The following CPNE4 variants were observed in gnomAD, a reference collection of about 807,000 sequenced individuals.
CPNE4 encodes copine 4, also known as copine-4.
CPNE4 carries 25 observed loss-of-function variants against 67.9 expected under a neutral mutation model. The ratio of observed to expected loss-of-function variants is 0.37; its 90% confidence interval spans 0.27 to 0.51. The LOEUF is 0.51. CPNE4 is among the 20% of genes least tolerant of loss of function. The pLI, the probability that CPNE4 is intolerant of heterozygous loss-of-function variation, is 0.93. For synonymous variants in CPNE4, 242 were observed against 244.9 expected (o/e 0.99, Z 0.11); for missense variants, 464 against 690.8 (o/e 0.67, Z 3.68).
intron 9 of CPNE4, 124 bp from the exon 10 acceptor site, chr3:131,575,254 T>A: frequency 2.7e-6 from 2 of 740,130 alleles, no homozygotes; most frequent in South Asian, 3.4e-5. Context: ...CAGACATCAT[T>A]GAAAAAAGAT....
chr3:131,917,611 G>A (rs1443638530), intron 1 of CPNE4, among the ~76,000 whole-genome samples: 1 of 152,022 alleles, frequency 6.6e-6, no homozygotes, highest in African/African-American at 2.4e-5. Context: ...TCTTCAGTCT[G>A]AATACCAGGT....
chr3:131,983,100 TA>T (rs1338513843), intron 1 of CPNE4, among the ~76,000 whole-genome samples: 2 of 152,168 alleles, frequency 1.3e-5, no homozygotes, highest in African/African-American at 4.8e-5. Flanking sequence ...TACTGAATGA[TA>T]TTTTTATAAG....
intron 2 of CPNE4, among the ~76,000 whole-genome samples, chr3:131,863,557 T>C (rs1366118594): frequency 6.6e-6 from 1 of 152,180 alleles, no homozygotes; most frequent in Non-Finnish European, 1.5e-5. Context: ...GATGGGATTG[T>C]TTTTTTCTTG....
At chr3:131,959,501 G>A (rs907274850) in intron 1 of CPNE4, among the ~76,000 whole-genome samples, 1 of 152,164 alleles carries the variant, frequency 6.6e-6, no homozygotes, top group African/African-American at 2.4e-5. Context: ...TGGACAGAAT[G>A]CTACAGATAG....
chr3:132,007,204 A>T (rs1255560855), intron 1 of CPNE4, among the ~76,000 whole-genome samples: 1 of 152,180 alleles, frequency 6.6e-6, no homozygotes, highest in Admixed American at 6.5e-5. Context: ...AGAGTTCATG[A>T]CTTGAAGCCC....
At chr3:131,811,761 A>G (rs1302428791) in intron 2 of CPNE4, among the ~76,000 whole-genome samples, 1 of 152,162 alleles carries the variant, frequency 6.6e-6, no homozygotes, top group African/African-American at 2.4e-5. Context: ...GAGTACATCA[A>G]TACTTAGGAA....
intron 1 of CPNE4, among the ~76,000 whole-genome samples, chr3:131,946,368 G>A (rs1019057407): frequency 1.3e-5 from 2 of 152,084 alleles, no homozygotes; most frequent in Non-Finnish European, 2.9e-5. Flanking sequence ...TCCTTTTTAT[G>A]ACTAAATATA....
rs919316608 is a variant in CPNE4 at position 131,600,735 on chromosome 3, A to G, written c.682-13153T>C. On this transcript the variant is annotated intron_variant, in intron 7 of 15. Transcript: ENST00000429747. ...CCTTCCTTATTAGCAGCATGTGTCC[A>G]GACTAATAAGGCTTCCTCTAATCCT... Among the ~76,000 whole-genome samples, 4 of 152,256 alleles carry G rather than the reference A, an allele frequency of 2.6e-5. No homozygotes were observed. In the East Asian group the frequency reaches 5.8e-4, roughly 22 times the overall value.
At chr3:131,834,194 C>T (rs2085475085) in intron 2 of CPNE4, among the ~76,000 whole-genome samples, 1 of 152,024 alleles carries the variant, frequency 6.6e-6, no homozygotes, top group Admixed American at 6.6e-5. Flanking sequence ...GTTTAAATTC[C>T]CTTTTTAGAT....
At chr3:131,561,373 G>A (rs1407612764) in intron 11 of CPNE4, among the ~76,000 whole-genome samples, 1 of 151,924 alleles carries the variant, frequency 6.6e-6, no homozygotes, top group African/African-American at 2.4e-5. Context: ...ATACATGCGT[G>A]TGTGTTTTTG....
At chr3:131,851,520 A>C (rs1477199990) in intron 2 of CPNE4, among the ~76,000 whole-genome samples, 1 of 152,114 alleles carries the variant, frequency 6.6e-6, no homozygotes, top group African/African-American at 2.4e-5. Flanking sequence ...ATGTCAGTAA[A>C]GAAGGGTTTG....
intron 11 of CPNE4, among the ~76,000 whole-genome samples, chr3:131,561,610 G>A (rs1398274158): frequency 2.0e-5 from 3 of 151,962 alleles, no homozygotes; most frequent in African/African-American, 7.2e-5. Flanking sequence ...GACTGTACAA[G>A]GCAAAAAGAA....
intron 1 of CPNE4, among the ~76,000 whole-genome samples, chr3:132,020,042 C>T (rs556108179): frequency 2.6e-5 from 4 of 152,168 alleles, no homozygotes; most frequent in Non-Finnish European, 4.4e-5. Flanking sequence ...AGTCAGAACG[C>T]GGCACAAATT....
intron 1 of CPNE4, among the ~76,000 whole-genome samples, chr3:131,932,595 A>G (rs2071097147): frequency 6.6e-6 from 1 of 152,082 alleles, no homozygotes; most frequent in South Asian, 2.1e-4. Context: ...TAATTTTCTG[A>G]GGAAGGAACA....
At chr3:131,951,976 A>G (rs201374297) in intron 1 of CPNE4, among the ~76,000 whole-genome samples, 4,766 of 151,624 alleles carry the variant, frequency 0.031, 214 homozygotes, top group African/African-American at 0.11. Context: ...GCCTCTGCCC[A>G]GCCGCCACCC....
At chr3:131,635,049 G>A (rs2079339611) in intron 7 of CPNE4, among the ~76,000 whole-genome samples, 1 of 152,086 alleles carries the variant, frequency 6.6e-6, no homozygotes, top group African/African-American at 2.4e-5. Flanking sequence ...TCAATCATAA[G>A]GATGAAAAAT....
At chr3:131,847,997 T>C (rs1482252346) in intron 2 of CPNE4, among the ~76,000 whole-genome samples, 1 of 152,188 alleles carries the variant, frequency 6.6e-6, no homozygotes, top group East Asian at 1.9e-4. Flanking sequence ...TTCTTCTTCA[T>C]TCTGCAGAAG....
At chr3:131,565,836 G>C (rs969555205) in intron 10 of CPNE4, among the ~76,000 whole-genome samples, 2 of 145,264 alleles carry the variant, frequency 1.4e-5, no homozygotes, top group Non-Finnish European at 3.0e-5. Flanking sequence ...AAAAAAAAAA[G>C]GTTATCTGAA....
intron 7 of CPNE4, among the ~76,000 whole-genome samples, chr3:131,655,309 A>G (rs546855242): frequency 1.1e-3 from 165 of 152,250 alleles, no homozygotes; most frequent in African/African-American, 3.7e-3. Context: ...GCCTTCCTGG[A>G]GATTCTGATG....
Sources: gnomAD v4.1 joint callset for allele counts (sites outside exome capture counted in the v4.1 genomes callset) on GRCh38, gnomAD v4.1.1 for gene constraint, MANE v1.5 for transcripts, NCBI Gene and HGNC (gene_info 2026-07-23, HGNC 2026-07-21) for gene names.